Variants in PDLIM1 observed in about 807,000 individuals in gnomAD.
The protein encoded by PDLIM1 is PDZ and LIM domain 1.
Under a neutral mutation model 35.2 loss-of-function variants are expected in PDLIM1, and 25 were observed. The observed-to-expected ratio is 0.71, with a 90% CI of 0.52 to 0.99. PDLIM1 has a LOEUF of 0.99. Among genes scored for constraint, PDLIM1 ranks in the 50% least tolerant of loss-of-function variants. The pLI, the probability that PDLIM1 is intolerant of heterozygous loss-of-function variation, is 0.00. For missense variants in PDLIM1, 363 were observed against 415.3 expected, an observed-to-expected ratio of 0.87 and a Z score of 1.09; for synonymous variants, 152 against 154.0, an observed-to-expected ratio of 0.99 and a Z score of 0.10.
intron 1 of PDLIM1, among the ~76,000 whole-genome samples, chr10:95,285,179 C>G (rs369165642): frequency 6.6e-6 from 1 of 152,288 alleles, no homozygotes. Context: ...AACCTCATAA[C>G]TGGACTGTAA....
At chr10:95,249,639 G>A (rs114766277) in intron 4 of PDLIM1, among the ~76,000 whole-genome samples, 172 of 152,156 alleles carry the variant, frequency 1.1e-3, no homozygotes, top group African/African-American at 3.8e-3. Flanking sequence ...GTAATTCTCC[G>A]CAAGTTCCCT....
chr10:95,290,067 TTAGA>T lies in PDLIM1; in HGVS notation c.96+749_96+752del, dbSNP rs1342867828. 6.6e-6 allele frequency among the ~76,000 whole-genome samples: 1 copy of T among 152,178 alleles called. No individual in the cohort carries two copies. Among genetic ancestry groups the T allele is most frequent in the Non-Finnish European group, 1.5e-5 (1 of 68,030 alleles). On this transcript the variant is annotated intron_variant, in intron 1 of 6. Transcript: ENST00000329399. This position sits in a 1 kb window ranked among gnomAD's most constrained non-coding sequence, Gnocchi z 4.7. ...TCCTTCTAAAGATCCGAAGCCCCTC[TTAGA>T]TTTCAAGCACCTCAACCCCACCCCA...
At chr10:95,261,868 C>T (rs1447004228) in intron 4 of PDLIM1, among the ~76,000 whole-genome samples, 2 of 151,996 alleles carry the variant, frequency 1.3e-5, no homozygotes, top group East Asian at 1.9e-4. Flanking sequence ...ATTATCCGGG[C>T]GTGGTGGCGC....
At chr10:95,240,371 C>T (rs1323062998) in intron 5 of PDLIM1, among the ~76,000 whole-genome samples, 3 of 152,210 alleles carry the variant, frequency 2.0e-5, no homozygotes, top group African/African-American at 7.2e-5. Flanking sequence ...AGCCATTACC[C>T]TCAGCAAACT....
chr10:95,253,982 C>T (rs548157548), intron 4 of PDLIM1, among the ~76,000 whole-genome samples: 1 of 151,744 alleles, frequency 6.6e-6, no homozygotes, highest in South Asian at 2.1e-4. Context: ...AAAGGTTATA[C>T]AAAGACATAG....
chr10:95,252,112 G>T (rs1337554467), intron 4 of PDLIM1, among the ~76,000 whole-genome samples: 1 of 152,210 alleles, frequency 6.6e-6, no homozygotes, highest in African/African-American at 2.4e-5. Flanking sequence ...AGGCTATGAT[G>T]TGGTTCCCCA....
intron 4 of PDLIM1, among the ~76,000 whole-genome samples, chr10:95,248,945 G>C (rs1464726465): frequency 6.6e-6 from 1 of 152,186 alleles, no homozygotes; most frequent in African/African-American, 2.4e-5. Context: ...ACTCCAAACA[G>C]TCCGCCACAT....
At chr10:95,267,087 A>C (rs1349980099) in intron 3 of PDLIM1, among the ~76,000 whole-genome samples, 1 of 152,234 alleles carries the variant, frequency 6.6e-6, no homozygotes, top group Non-Finnish European at 1.5e-5. Context: ...GATGGGTGAG[A>C]AGTTTTTCTT....
intron 4 of PDLIM1, among the ~76,000 whole-genome samples, chr10:95,253,528 G>A (rs895935487): frequency 6.6e-6 from 1 of 152,122 alleles, no homozygotes; most frequent in African/African-American, 2.4e-5. Flanking sequence ...GGTGGCGGAT[G>A]CCCGTTAATT....
Position 95,238,550 on chromosome 10 carries a change from T to C in PDLIM1, c.803+18A>G. The C allele has an allele frequency of 1.4e-6, 2 of 1,455,134 alleles. No individual in the cohort carries two copies. The highest frequency in any genetic ancestry group is 1.9e-6 in the Non-Finnish European group (2 of 1,036,186). The allele number at this position is 1,455,134 out of a possible 1,614,324, so 90.1% of individuals were successfully genotyped here. On this transcript the variant is annotated intron_variant, in intron 6 of 6. Transcript: ENST00000329399. ...CAACCTGCAGGGTCTGCAAAGGCTG[T>C]GGGAAGCAGATACTCACACAATCCC...
intron 1 of PDLIM1, among the ~76,000 whole-genome samples, chr10:95,274,296 T>C (rs1297854639): frequency 1.3e-5 from 2 of 149,898 alleles, no homozygotes; most frequent in African/African-American, 4.9e-5. Context: ...AGTCATCCTT[T>C]TTTTTTTTTT....
At chr10:95,243,579 A>C (rs538026771) in intron 5 of PDLIM1, among the ~76,000 whole-genome samples, 1 of 152,242 alleles carries the variant, frequency 6.6e-6, no homozygotes, top group African/African-American at 2.4e-5. Context: ...AACCCTGGGT[A>C]ACCAGCCAAA....
chr10:95,259,060 G>A (rs76481830), intron 4 of PDLIM1, among the ~76,000 whole-genome samples: 3 of 152,130 alleles, frequency 2.0e-5, no homozygotes, highest in East Asian at 3.8e-4. Flanking sequence ...GGAGGGAAGC[G>A]AGTGTGGCTA....
intron 1 of PDLIM1, among the ~76,000 whole-genome samples, chr10:95,279,732 A>G (rs1277585124): frequency 2.0e-5 from 3 of 152,206 alleles, no homozygotes; most frequent in Non-Finnish European, 4.4e-5. Context: ...TAAAATTACT[A>G]AAGCAGAAAT....
At chr10:95,276,703 T>A (rs2035514249) in intron 1 of PDLIM1, among the ~76,000 whole-genome samples, 1 of 152,044 alleles carries the variant, frequency 6.6e-6, no homozygotes. Flanking sequence ...GTTATCTGCA[T>A]CATTACAGAT....
At chr10:95,269,075 G>T (rs1405187118) in intron 2 of PDLIM1, among the ~76,000 whole-genome samples, 1 of 152,066 alleles carries the variant, frequency 6.6e-6, no homozygotes, top group African/African-American at 2.4e-5. Flanking sequence ...AGCCCCAAGG[G>T]GCTTCCCAAG....
At chr10:95,288,390 T>A (rs1224887470) in intron 1 of PDLIM1, among the ~76,000 whole-genome samples, 1 of 152,180 alleles carries the variant, frequency 6.6e-6, no homozygotes, top group Non-Finnish European at 1.5e-5. Flanking sequence ...TACAAAACTA[T>A]ACCAGCAAAT....
intron 1 of PDLIM1, among the ~76,000 whole-genome samples, chr10:95,272,747 G>A (rs796924516): frequency 1.2e-4 from 19 of 152,188 alleles, no homozygotes; most frequent in African/African-American, 2.7e-4. Flanking sequence ...TGGTAGTATA[G>A]GTTTATACTG....
At position 95,290,205 on chromosome 10, in the gene PDLIM1, G is replaced by A. The variant is rs1183126945; in HGVS notation, c.96+615C>T. Among the ~76,000 whole-genome samples the A allele has an allele frequency of 6.6e-6, 1 of 152,148 alleles. No individual in the cohort carries two copies. The highest frequency in any genetic ancestry group is 1.5e-5 in the Non-Finnish European group (1 of 68,036). On this transcript the variant is annotated intron_variant, in intron 1 of 6. Coordinates refer to ENST00000329399, the MANE Select transcript of PDLIM1 (RefSeq NM_020992.4). This position sits in a 1 kb window ranked among gnomAD's most constrained non-coding sequence, Gnocchi z 4.7. ...CTAGGAAGAATGACGGCGGGGCCAC[G>A]TTCTGCAGAGGGGAGAATGACCAAG...
Sources: gnomAD v4.1 joint callset for allele counts (sites outside exome capture counted in the v4.1 genomes callset) on GRCh38, gnomAD v4.1.1 for gene constraint, Gnocchi (gnomAD v3.1) non-coding constraint, MANE v1.5 for transcripts, NCBI Gene and HGNC (gene_info 2026-07-23, HGNC 2026-07-21) for gene names.